Variants in CCDC40 observed in about 807,000 individuals in gnomAD.
CCDC40 encodes the protein coiled-coil domain 40 molecular ruler complex subunit.
CCDC40 carries 104 observed loss-of-function variants against 124.5 expected under a neutral mutation model. That is an observed-to-expected ratio of 0.84 (90% CI 0.71 to 0.98). The LOEUF is 0.98. Among genes scored for constraint, CCDC40 ranks in the 50% least tolerant of loss-of-function variants. CCDC40 has a pLI of 0.00. For synonymous variants in CCDC40, 580 were observed against 602.9 expected (o/e 0.96, Z 0.56); for missense variants, 1,463 against 1,503.9 (o/e 0.97, Z 0.45).
Position 80,058,481 on chromosome 17 carries a change from C to T in CCDC40, c.1160-13C>T, listed in dbSNP as rs2037808461. The stretch of plus-strand genomic sequence containing the variant: ...TCACTCTCTCTCTCTTTCTCCCCCG[C>T]CGCGCCCCGCAGTGGCGGCTCTGCA... On this transcript the variant is annotated splice_polypyrimidine_tract_variant and intron_variant, in intron 7 of 19. Transcript: ENST00000397545. The surrounding 1 kb of genome is among the most constrained non-coding windows in gnomAD (Gnocchi z 4.2). 1.2e-6 allele frequency: 2 copies of T among 1,613,154 alleles called. No individual in the cohort carries two copies. The highest frequency in any genetic ancestry group is 1.3e-5 in the African/African-American group (1 of 75,022).
intron 2 of CCDC40, among the ~76,000 whole-genome samples, chr17:80,039,102 C>G (rs914042633): frequency 6.6e-6 from 1 of 152,144 alleles, no homozygotes; most frequent in Non-Finnish European, 1.5e-5. Context: ...CATGGTGGCT[C>G]ACGCCTGTGG....
chr17:80,089,542 C>T lies in CCDC40; in HGVS notation c.2712-222C>T. ...TCTCTGTCTCTCTGTTTCTTCCCCA[C>T]CCCCATCTCCCTCCCTCCCCCTGTA... On this transcript the variant is annotated intron_variant, in intron 16 of 19. Coordinates refer to ENST00000397545, the MANE Select transcript of CCDC40 (RefSeq NM_017950.4). 4.7e-6 allele frequency: 2 copies of T among 424,074 alleles called. 1 individual carries two copies. The highest frequency in any genetic ancestry group is 4.1e-5 in the African/African-American group (2 of 48,402). The allele number at this position is 424,074 out of a possible 1,614,324, so 26.3% of individuals were successfully genotyped here.
At position 80,095,305 on chromosome 17, in the gene CCDC40, C is replaced by G. The variant is rs376073190; in HGVS notation, c.2875C>G (p.Arg959Gly). ...QLLKQQEKMI[R>G]AMELAVARRE... ...GCTGAAGCAGCAGGAGAAGATGATC[C>G]GTGCCATGGAGTTGGCGGTTGCCCG... Residue 959 changes from arginine to glycine, a missense_variant, in exon 18 of 20, where the codon CGT becomes GGT. Physicochemically the swap from Arg to Gly is moderately radical, Grantham distance 125. Transcript: ENST00000397545. 6.2e-7 allele frequency: 1 copy of G among 1,614,058 alleles called. No homozygotes were observed. Among genetic ancestry groups the G allele is most frequent in the African/African-American group, 1.3e-5 (1 of 75,076 alleles).
intron 3 of CCDC40, among the ~76,000 whole-genome samples, chr17:80,044,539 C>G (rs945007351): frequency 6.6e-6 from 1 of 151,494 alleles, no homozygotes; most frequent in East Asian, 1.9e-4. Flanking sequence ...CAAAAATTAG[C>G]CGGGTGTGTT....
intron 7 of CCDC40, among the ~76,000 whole-genome samples, chr17:80,057,050 A>G (rs569096599): frequency 3.2e-4 from 48 of 151,416 alleles, no homozygotes; most frequent in Non-Finnish European, 3.1e-4. Context: ...AAAAAAAAAA[A>G]AAGAAGAATA....
Position 80,081,866 on chromosome 17 carries a change from T to G in CCDC40, c.1807-10T>G, listed in dbSNP as rs369273325. On this transcript the variant is annotated splice_polypyrimidine_tract_variant and intron_variant, in intron 11 of 19. Transcript: ENST00000397545. ...TCAGGCACGTGCACCCTGTGGCTCCTTGTCTCCAGGAACAAATGATACTCA... is the reference window on the plus strand; with the variant it reads ...TCAGGCACGTGCACCCTGTGGCTCCGTGTCTCCAGGAACAAATGATACTCA... The G allele has an allele frequency of 3.2e-5, 52 of 1,613,968 alleles. No homozygotes were observed. The African/African-American group carries it at 6.4e-4, about 20-fold the overall frequency.
At chr17:80,037,720 T>TATA (rs1555889200) in intron 1 of CCDC40, among the ~76,000 whole-genome samples, 9 of 141,456 alleles carry the variant, frequency 6.4e-5, no homozygotes, top group East Asian at 4.2e-4. Flanking sequence ...TATATATATA[T>TATA]TCCTGTGCTA....
chr17:80,036,835 AT>A, intron 1 of CCDC40, 144 bp downstream of exon 1: 2 of 740,624 alleles, frequency 2.7e-6, no homozygotes, highest in Non-Finnish European at 2.0e-6. Context: ...TTCTCTCGCC[AT>A]TTTGCTGGCC....
intron 7 of CCDC40, among the ~76,000 whole-genome samples, chr17:80,056,012 A>ATTTTTTTTTTTTTTT (rs1278622929): frequency 5.7e-4 from 8 of 14,136 alleles, no homozygotes; most frequent in African/African-American, 7.8e-4. Context: ...ATATATATAT[A>ATTTTTTTTTTTTTTT]TATATTTTTT....
intron 3 of CCDC40, among the ~76,000 whole-genome samples, chr17:80,042,128 CT>C (rs1448728139): frequency 6.6e-6 from 1 of 151,848 alleles, no homozygotes; most frequent in East Asian, 1.9e-4. Flanking sequence ...AAGTATTTCT[CT>C]TTTTTTTGAG....
intron 17 of CCDC40, 99 bp downstream of exon 17, chr17:80,089,983 G>A: frequency 6.4e-7 from 1 of 1,554,240 alleles, no homozygotes; most frequent in Non-Finnish European, 8.7e-7. Context: ...CGGGGCTCCT[G>A]TGGGAACCAC....
Position 80,099,777 on chromosome 17 carries a change from G to A in CCDC40, c.*2G>A, listed in dbSNP as rs764224964. On this transcript the variant is annotated 3_prime_UTR_variant, in exon 20 of 20. Transcript: ENST00000397545. ...CTCGAGTCACCAGGGCCCTCCTAGGGAGCAGCCTGGACTCCGCCTTGCAAG... is the reference window on the plus strand; with the variant it reads ...CTCGAGTCACCAGGGCCCTCCTAGGAAGCAGCCTGGACTCCGCCTTGCAAG... The A allele has an allele frequency of 1.9e-6, 3 of 1,612,388 alleles. No individual in the cohort carries two copies. The highest frequency in any genetic ancestry group is 1.1e-5 in the South Asian group (1 of 91,054).
chr17:80,037,871 C>T, intron 1 of CCDC40: 1 of 399,308 alleles, frequency 2.5e-6, no homozygotes, highest in Non-Finnish European at 4.8e-6. Flanking sequence ...TCTAATCCTG[C>T]TGTTCCTTCG....
At chr17:80,070,389 G>A (rs1432373383) in intron 10 of CCDC40, among the ~76,000 whole-genome samples, 1 of 152,224 alleles carries the variant, frequency 6.6e-6, no homozygotes, top group Non-Finnish European at 1.5e-5. Context: ...AAGCCCAGGA[G>A]TTCAAGACCA....
At chr17:80,039,206 A>C (rs2037207409) in intron 2 of CCDC40, among the ~76,000 whole-genome samples, 1 of 151,906 alleles carries the variant, frequency 6.6e-6, no homozygotes, top group Admixed American at 6.5e-5. Context: ...ATCCCTACTA[A>C]AAATGGAAAA....
rs1598542177 is a variant in CCDC40, at chr17:80,087,213, T to G, written c.2450-394T>G. On this transcript the variant is annotated intron_variant, in intron 14 of 19. Transcript: ENST00000397545. The surrounding 1 kb of genome is among the most constrained non-coding windows in gnomAD (Gnocchi z 4.5). ...GAGCTTGGCTGGGGCAGGGCAGGGG[T>G]CTAAGGGCCTCCCTCTCCTGGAGAC... 1 of 323,322 alleles carries G rather than the reference T, an allele frequency of 3.1e-6. No homozygotes were observed. Among genetic ancestry groups the G allele is most frequent in the Non-Finnish European group, 6.1e-6 (1 of 164,808 alleles). The allele number at this position is 323,322 out of a possible 1,614,324, so 20.0% of individuals were successfully genotyped here.
chr17:80,080,209 A>AGAC (rs2038415681), intron 10 of CCDC40, among the ~76,000 whole-genome samples: 3 of 149,952 alleles, frequency 2.0e-5, no homozygotes, highest in Non-Finnish European at 4.4e-5. Flanking sequence ...AAAAAAAAGA[A>AGAC]AGAAAGGAAT....
chr17:80,068,467 C>T (rs762586741), intron 10 of CCDC40, among the ~76,000 whole-genome samples: 1 of 152,154 alleles, frequency 6.6e-6, no homozygotes, highest in Non-Finnish European at 1.5e-5. Flanking sequence ...GCCATTATTA[C>T]AGAAATAAAT....
At chr17:80,091,040 C>T (rs953864268) in intron 17 of CCDC40, among the ~76,000 whole-genome samples, 8 of 152,206 alleles carry the variant, frequency 5.3e-5, no homozygotes, top group East Asian at 1.9e-4. Context: ...TCAGCCAGGG[C>T]GACTGTGTCA....
Sources: gnomAD v4.1 joint callset for allele counts (sites outside exome capture counted in the v4.1 genomes callset) on GRCh38, gnomAD v4.1.1 for gene constraint, Gnocchi (gnomAD v3.1) non-coding constraint, MANE v1.5 for transcripts, NCBI Gene and HGNC (gene_info 2026-07-23, HGNC 2026-07-21) for gene names.